The following ZNF709 variants were observed in gnomAD, a reference collection of about 807,000 sequenced individuals.
ZNF709 encodes the protein zinc finger protein 709.
In ZNF709, 15 loss-of-function variants were observed where a neutral mutation model predicts 10.6. The observed-to-expected ratio is 1.41, with a 90% CI of 0.95 to 2.18. The LOEUF is 2.18. ZNF709 is among the 30% of genes most tolerant of loss of function. The pLI, the probability that ZNF709 is intolerant of heterozygous loss-of-function variation, is 0.00. For missense variants in ZNF709, 589 were observed against 774.0 expected, an observed-to-expected ratio of 0.76 and a Z score of 2.84; for synonymous variants, 194 against 238.8, an observed-to-expected ratio of 0.81 and a Z score of 1.73.
intron 1 of ZNF709, among the ~76,000 whole-genome samples, chr19:12,483,328 T>TTTTTTTTTTTTTTA (rs1568250205): frequency 7.4e-6 from 1 of 134,624 alleles, no homozygotes. Context: ...TTTTTTTTTT[T>TTTTTTTTTTTTTTA]TTTCTAGTAG....
chr19:12,465,070 T>C lies in ZNF709; in HGVS notation c.852A>G (p.Gln284=), dbSNP rs200559980. 3 of 1,612,924 alleles carry C rather than the reference T, an allele frequency of 1.9e-6. No homozygotes were observed. Among genetic ancestry groups the C allele is most frequent in the East Asian group, 2.2e-5 (1 of 44,822 alleles). The change falls in exon 4 of 4, where the codon CAA becomes CAG. Residue 284 remains glutamine (Q), a synonymous_variant. Coordinates refer to ENST00000397732, the MANE Select transcript of ZNF709 (RefSeq NM_152601.4). ...HTGEKPYQCK[Q]CGKALSCPTS... The stretch of plus-strand genomic sequence containing the variant: ...TGGGACAACTAAGAGCTTTACCACA[T>C]TGCTTACACTGATAGGGTTTTTCCC...
intron 1 of ZNF709, chr19:12,481,137 A>C: frequency 3.1e-6 from 3 of 983,202 alleles, no homozygotes; most frequent in Non-Finnish European, 3.6e-6. Flanking sequence ...CCGATCTAAA[A>C]ATGAAAAATG....
At chr19:12,466,084 GTA>G (rs1458735013) in intron 3 of ZNF709, among the ~76,000 whole-genome samples, 3 of 151,966 alleles carry the variant, frequency 2.0e-5, no homozygotes, top group Non-Finnish European at 4.4e-5. Flanking sequence ...GGGATTACAG[GTA>G]CCCACCACCA....
chr19:12,462,705 G>A lies in ZNF709; in HGVS notation c.*1291C>T, dbSNP rs1006109039. Reference sequence around the variant, plus strand: ...TGATATCTAGTACCTGCCACATAAGGCCAGTAGGAAATCCTAAAAATTACC... The same window carrying A: ...TGATATCTAGTACCTGCCACATAAGACCAGTAGGAAATCCTAAAAATTACC... On this transcript the variant is annotated 3_prime_UTR_variant, in exon 4 of 4. Coordinates refer to ENST00000397732, the MANE Select transcript of ZNF709 (RefSeq NM_152601.4). 2 of 152,074 alleles carry A rather than the reference G, an allele frequency of 1.3e-5. No individual in the cohort carries two copies. Among genetic ancestry groups the A allele is most frequent in the African/African-American group, 4.8e-5 (2 of 41,406 alleles). 9.4% of individuals were successfully genotyped at this position (152,074 alleles called of 1,614,324 possible).
rs1456229123 is a variant in ZNF709 at position 12,464,742 on chromosome 19, A to G, written c.1180T>C (p.Cys394Arg). 6.2e-7 allele frequency: 1 copy of G among 1,613,636 alleles called. No individual in the cohort carries two copies. Reference protein sequence around the residue: ...RTHTGEKPYECKQCGKAFSCS... With the variant: ...RTHTGEKPYERKQCGKAFSCS... ...CTGAAGGCTTTACCACACTGTTTAC[A>G]TTCATAGGGTTTCTCTCCAGTGTGA... Residue 394 changes from cysteine to arginine, a missense_variant, in exon 4 of 4, where the codon TGT becomes CGT. Around this residue, in one of 2 missense-constraint regions of ZNF709, gnomAD observed 418 missense variants for 496.3 expected, o/e 0.84. Coordinates refer to ENST00000397732, the MANE Select transcript of ZNF709 (RefSeq NM_152601.4).
Position 12,470,051 on chromosome 19 carries a change from C to T in ZNF709, c.4-3201G>A, listed in dbSNP as rs77422686. On this transcript the variant is annotated intron_variant, in intron 1 of 3. Transcript: ENST00000397732. ...CTGTCCTCCAAAAGGATATGAAATTCCCTTTCTCCAATTTCAGAAAGAAGT... is the reference window on the plus strand; with the variant it reads ...CTGTCCTCCAAAAGGATATGAAATTTCCTTTCTCCAATTTCAGAAAGAAGT... Among the ~76,000 whole-genome samples the T allele has an allele frequency of 8.5e-3, 1,290 of 152,250 alleles. 14 individuals carry two copies. The highest frequency in any genetic ancestry group is 0.03 in the African/African-American group (1,227 of 41,530).
At chr19:12,480,949 A>ATTT (rs547391775) in intron 1 of ZNF709, among the ~76,000 whole-genome samples, 2 of 141,116 alleles carry the variant, frequency 1.4e-5, no homozygotes, top group Non-Finnish European at 3.1e-5. Flanking sequence ...CACTTGGCTA[A>ATTT]TTTTTTTTTT....
At chr19:12,469,151 A>C (rs966438427) in intron 1 of ZNF709, among the ~76,000 whole-genome samples, 2 of 152,026 alleles carry the variant, frequency 1.3e-5, no homozygotes. Flanking sequence ...ACGAGATTTT[A>C]ATGAATAAGT....
chr19:12,463,926 C>CA lies in ZNF709; in HGVS notation c.*69dup, dbSNP rs60000717. On this transcript the variant is annotated 3_prime_UTR_variant, in exon 4 of 4. Transcript: ENST00000397732. ...AGGGCAACAGAGTGAGAATTCAACT[C>CA]AAAAAAAAAAAAAAAAAAAAAGGAA... 0.014 allele frequency: 12,666 copies of CA among 910,534 alleles called. 1 individual carries two copies. The highest frequency in any genetic ancestry group is 0.02 in the East Asian group (595 of 30,482). The allele number at this position is 910,534 out of a possible 1,614,324, so 56.4% of individuals were successfully genotyped here. A position where few individuals can be genotyped will look rare whatever the true frequency, so the allele number is the denominator to read the frequency against.
intron 1 of ZNF709, among the ~76,000 whole-genome samples, chr19:12,483,978 C>T (rs970273729): frequency 1.3e-5 from 2 of 152,174 alleles, no homozygotes; most frequent in African/African-American, 4.8e-5. Flanking sequence ...GAGGTAGCTT[C>T]AAGTCCTTCT....
intron 2 of ZNF709, 77 bp downstream of exon 2, chr19:12,466,647 A>G: frequency 6.2e-7 from 1 of 1,610,242 alleles, no homozygotes; most frequent in Non-Finnish European, 8.5e-7. Flanking sequence ...TCAACATTCT[A>G]AACCTTGGAA....
At chr19:12,476,013 G>A (rs1163698101) in intron 1 of ZNF709, among the ~76,000 whole-genome samples, 8 of 152,066 alleles carry the variant, frequency 5.3e-5, no homozygotes, top group Non-Finnish European at 7.4e-5. Context: ...ACATCCACAT[G>A]CAAAACACAA....
Position 12,484,733 on chromosome 19 carries a change from C to A in ZNF709, c.-76G>T. ...GCACAGGTCCTACCTCCACCTGAGGCCCTTCCTCCACCTGAGGGCCTTCTG... is the reference window on the plus strand; with the variant it reads ...GCACAGGTCCTACCTCCACCTGAGGACCTTCCTCCACCTGAGGGCCTTCTG... On this transcript the variant is annotated 5_prime_UTR_variant, in exon 1 of 4. Coordinates refer to ENST00000397732, the MANE Select transcript of ZNF709 (RefSeq NM_152601.4). 1 of 1,605,806 alleles carries A rather than the reference C, an allele frequency of 6.2e-7. No homozygotes were observed. The highest frequency in any genetic ancestry group is 1.1e-5 in the South Asian group (1 of 90,738).
chr19:12,462,466 T>A lies in ZNF709; in HGVS notation c.*1530A>T, dbSNP rs1461986321. 6.6e-6 allele frequency: 1 copy of A among 152,194 alleles called. No homozygotes were observed. The highest frequency in any genetic ancestry group is 1.9e-4 in the East Asian group (1 of 5,198). 9.4% of individuals were successfully genotyped at this position (152,194 alleles called of 1,614,324 possible). ...TTCTATCTCAGATCTCTCTTATTAA[T>A]ACAAAGTCTATTATTCAAATCACAG... On this transcript the variant is annotated 3_prime_UTR_variant, in exon 4 of 4. Coordinates refer to ENST00000397732, the MANE Select transcript of ZNF709 (RefSeq NM_152601.4).
intron 1 of ZNF709, 21 bp downstream of exon 1, chr19:12,484,634 C>G (rs1008860506): frequency 6.2e-7 from 1 of 1,613,656 alleles, no homozygotes; most frequent in African/African-American, 1.3e-5. Flanking sequence ...CATCTCAAGA[C>G]CCCCAGCCCC....
chr19:12,478,608 C>T (rs1411514664), intron 1 of ZNF709, among the ~76,000 whole-genome samples: 2 of 152,202 alleles, frequency 1.3e-5, no homozygotes, highest in Non-Finnish European at 1.5e-5. Flanking sequence ...CTAATAACAG[C>T]GTGGAGAACA....
At chr19:12,484,513 G>A (rs1599637664) in intron 1 of ZNF709, 142 bp downstream of exon 1, 3 of 1,152,628 alleles carry the variant, frequency 2.6e-6, no homozygotes, top group African/African-American at 3.1e-5. Flanking sequence ...AAGAGACCGA[G>A]GGCCGAGCTG....
chr19:12,484,770 C>T lies in ZNF709; in HGVS notation c.-113G>A, dbSNP rs1468084227. 1.4e-6 allele frequency: 2 copies of T among 1,447,648 alleles called. No individual in the cohort carries two copies. Among genetic ancestry groups the T allele is most frequent in the African/African-American group, 2.8e-5 (2 of 71,090 alleles). The allele number at this position is 1,447,648 out of a possible 1,614,324, so 89.7% of individuals were successfully genotyped here. On this transcript the variant is annotated 5_prime_UTR_variant, in exon 1 of 4. Coordinates refer to ENST00000397732, the MANE Select transcript of ZNF709 (RefSeq NM_152601.4). The stretch of plus-strand genomic sequence containing the variant: ...CTGAGGGCCTTCTGGGGTGAGGAGA[C>T]CCCAGAGCGGAGCGCAGCGGCTGGT...
chr19:12,476,004 C>T (rs1970674788), intron 1 of ZNF709, among the ~76,000 whole-genome samples: 1 of 152,096 alleles, frequency 6.6e-6, no homozygotes, highest in African/African-American at 2.4e-5. Context: ...AAAAACTGAA[C>T]ATCCACATGC....
Sources: gnomAD v4.1 joint callset for allele counts (sites outside exome capture counted in the v4.1 genomes callset) on GRCh38, gnomAD v4.1.1 for gene constraint, gnomAD v4.1.1 regional missense constraint, MANE v1.5 for transcripts, NCBI Gene and HGNC (gene_info 2026-07-23, HGNC 2026-07-21) for gene names.